PACS2: variants seen among roughly 807,000 people sequenced by gnomAD.
PACS2 encodes PACS1-like protein.
In PACS2, 36 loss-of-function variants were observed where a neutral mutation model predicts 113.0. That is an observed-to-expected ratio of 0.32 (90% confidence interval 0.24 to 0.42). PACS2 has a LOEUF of 0.42. Among genes scored for constraint, PACS2 ranks in the 10% least tolerant of loss-of-function variants. The pLI is 1.00. For missense variants in PACS2, 1,015 were observed against 1,239.5 expected, an observed-to-expected ratio of 0.82 and a Z score of 2.72; for synonymous variants, 589 against 536.1, an observed-to-expected ratio of 1.10 and a Z score of -1.36.
At chr14:105,383,930 A>G in intron 16 of PACS2, 1 of 266,064 alleles carries the variant, frequency 3.8e-6, no homozygotes, top group Non-Finnish European at 7.2e-6. Context: ...GTGTCGTCGA[A>G]CTCCATTACT....
intron 1 of PACS2, among the ~76,000 whole-genome samples, chr14:105,344,108 G>T (rs2059831670): frequency 6.6e-6 from 1 of 151,752 alleles, no homozygotes; most frequent in South Asian, 2.1e-4. Flanking sequence ...TGTAGAGACA[G>T]GGTCTCCCTG....
intron 1 of PACS2, among the ~76,000 whole-genome samples, chr14:105,328,433 T>A (rs1213346730): frequency 1.3e-5 from 2 of 152,178 alleles, no homozygotes; most frequent in Non-Finnish European, 2.9e-5. Flanking sequence ...AGGCTGTGGC[T>A]GCTCTGTGAG....
At chr14:105,391,905 G>A (rs2081371768) in intron 22 of PACS2, 139 bp downstream of exon 22, 2 of 869,924 alleles carry the variant, frequency 2.3e-6, no homozygotes, top group Admixed American at 3.1e-5. Flanking sequence ...GGCTCTGCAG[G>A]ACGGCTGGGT....
chr14:105,387,798 G>T (rs997395859), intron 19 of PACS2, among the ~76,000 whole-genome samples: 13 of 152,248 alleles, frequency 8.5e-5, no homozygotes, highest in Admixed American at 4.6e-4. Context: ...GGGGGGTCTG[G>T]CTCGGCAGAG....
At position 105,387,187 on chromosome 14, in the gene PACS2, G is replaced by A. The variant is rs1278342032; in HGVS notation, c.2033+1470G>A. 8.5e-5 allele frequency among the ~76,000 whole-genome samples: 13 copies of A among 152,326 alleles called. No individual in the cohort carries two copies. In the South Asian group the frequency reaches 1.4e-3, roughly 17 times the overall value. ...CTCTGTACCCAGAGGAGGGTCAGTC[G>A]GGAGGCTGAGAGAGTGCAGGCGGTG... On this transcript the variant is annotated intron_variant, in intron 19 of 24. Transcript: ENST00000447393.
At chr14:105,334,486 A>G (rs896622139) in intron 1 of PACS2, among the ~76,000 whole-genome samples, 9 of 151,596 alleles carry the variant, frequency 5.9e-5, no homozygotes, top group Admixed American at 5.9e-4. Flanking sequence ...CCTGAGGCCC[A>G]GTGTCTACGT....
chr14:105,311,249 C>T (rs983248594), upstream of PACS2, among the ~76,000 whole-genome samples: 8 of 150,726 alleles, frequency 5.3e-5, no homozygotes, highest in Admixed American at 1.3e-4. Context: ...CCACTGTGCC[C>T]GGCCTTTTTA....
intron 1 of PACS2, among the ~76,000 whole-genome samples, chr14:105,306,365 G>A (rs925804166): frequency 5.3e-5 from 8 of 151,540 alleles, no homozygotes; most frequent in East Asian, 1.9e-4. Context: ...GTGCAGCGGC[G>A]CCATCTCGAC....
At chr14:105,393,510 G>T in intron 24 of PACS2, 175 bp downstream of exon 24, 1 of 470,256 alleles carries the variant, frequency 2.1e-6, no homozygotes, top group African/African-American at 2.0e-5. Flanking sequence ...CCTTCCAAAT[G>T]CTGAGAAAGA....
At chr14:105,390,071 C>T (rs1028220075) in intron 20 of PACS2, 68 bp downstream of exon 20, 17 of 1,357,838 alleles carry the variant, frequency 1.3e-5, no homozygotes, top group East Asian at 1.1e-4. Flanking sequence ...ACAGTCAGAA[C>T]GTTTGGGGAT....
upstream of PACS2, chr14:105,314,430 CTCTCCCGGCCCTTGCCCGCG>C (rs2058457835): frequency 2.7e-5 from 4 of 150,012 alleles, no homozygotes; most frequent in South Asian, 6.2e-4. Flanking sequence ...ACCCCCACGA[CTCTCCCGGCCCTTGCCCGCG>C]GCTCCCGGGG....
chr14:105,384,294 TG>T, intron 16 of PACS2, 58 bp from the exon 17 acceptor site: 1 of 1,029,956 alleles, frequency 9.7e-7, no homozygotes, highest in Non-Finnish European at 1.5e-6. Context: ...TGTGCCGCGG[TG>T]GGAGCCTTGC....
intron 1 of PACS2, among the ~76,000 whole-genome samples, chr14:105,308,517 C>G (rs942742196): frequency 7.2e-6 from 1 of 139,794 alleles, no homozygotes; most frequent in African/African-American, 2.8e-5. Flanking sequence ...GAGTCTTGCT[C>G]TGTCGTCCGG....
rs192619496 is a variant in PACS2, at chr14:105,325,765, C to G, written c.119+10728C>G. The stretch of plus-strand genomic sequence containing the variant: ...GAGGCAGACCTGCAGATGCACATCC[C>G]TCTTCTCAAATGCTGTTCTTGTTCT... On this transcript the variant is annotated intron_variant, in intron 1 of 24. Coordinates refer to ENST00000447393, the MANE Select transcript of PACS2 (RefSeq NM_001100913.3). Among the ~76,000 whole-genome samples, 33 of 152,366 alleles carry G rather than the reference C, an allele frequency of 2.2e-4. No homozygotes were observed. The East Asian group carries it at 5.6e-3, about 26-fold the overall frequency.
chr14:105,391,272 C>T, intron 21 of PACS2, 23 bp downstream of exon 21: 2 of 1,592,572 alleles, frequency 1.3e-6, no homozygotes, highest in Non-Finnish European at 1.7e-6. Flanking sequence ...CACCCTGAGG[C>T]CTTGTGAGTG....
At chr14:105,368,574 G>A (rs782235019) in intron 7 of PACS2, 35 bp downstream of exon 7, 19 of 1,550,496 alleles carry the variant, frequency 1.2e-5, no homozygotes, top group Non-Finnish European at 1.7e-5. Context: ...TGCTGGGGAA[G>A]GCGAGGGTCG....
Position 105,355,265 on chromosome 14 carries a change from G to A in PACS2, c.423+88G>A, listed in dbSNP as rs587717046. ...CGTGGGAGATGGAGATGTCTCTCCCGGGTCCAGATGTCCAGGGATCAGGTG... is the reference window on the plus strand; with the variant it reads ...CGTGGGAGATGGAGATGTCTCTCCCAGGTCCAGATGTCCAGGGATCAGGTG... On this transcript the variant is annotated intron_variant, in intron 4 of 24. Coordinates refer to ENST00000447393, the MANE Select transcript of PACS2 (RefSeq NM_001100913.3). This position sits in a 1 kb window ranked among gnomAD's most constrained non-coding sequence, Gnocchi z 4.1. The A allele has an allele frequency of 4.2e-5, 60 of 1,421,034 alleles. No homozygotes were observed. The highest frequency in any genetic ancestry group is 3.5e-4 in the Admixed American group (16 of 46,280). 88.0% of individuals were successfully genotyped at this position (1,421,034 alleles called of 1,614,324 possible). A position where few individuals can be genotyped will look rare whatever the true frequency, so the allele number is the denominator to read the frequency against.
chr14:105,394,863 A>T lies in PACS2; in HGVS notation c.*191A>T. ...CAGGAGCCGAATAACTGCTCTGCTT[A>T]TTAACCCGAACGTTCGGCCCGGGGC... On this transcript the variant is annotated 3_prime_UTR_variant, in exon 25 of 25. Transcript: ENST00000447393. 3.4e-6 allele frequency: 2 copies of T among 581,882 alleles called. No individual in the cohort carries two copies. Among genetic ancestry groups the T allele is most frequent in the Admixed American group, 5.7e-5 (2 of 35,052 alleles). The allele number at this position is 581,882 out of a possible 1,614,324, so 36.0% of individuals were successfully genotyped here.
rs1422337432 is a variant in PACS2, at chr14:105,365,857, C to T, written c.424-1356C>T. 6.6e-6 allele frequency among the ~76,000 whole-genome samples: 1 copy of T among 152,224 alleles called. No homozygotes were observed. The highest frequency in any genetic ancestry group is 1.5e-5 in the Non-Finnish European group (1 of 68,042). Reference sequence around the variant, plus strand: ...CTGGGGGCCTGGACAACAGCAGCCTCCAAGTACGTGAAGCTGCGTGTGCCC... The same window carrying T: ...CTGGGGGCCTGGACAACAGCAGCCTTCAAGTACGTGAAGCTGCGTGTGCCC... On this transcript the variant is annotated intron_variant, in intron 4 of 24. Transcript: ENST00000447393. This position sits in a 1 kb window ranked among gnomAD's most constrained non-coding sequence, Gnocchi z 5.1.
Sources: gnomAD v4.1 joint callset for allele counts (sites outside exome capture counted in the v4.1 genomes callset) on GRCh38, gnomAD v4.1.1 for gene constraint, Gnocchi (gnomAD v3.1) non-coding constraint, MANE v1.5 for transcripts, NCBI Gene and HGNC (gene_info 2026-07-23, HGNC 2026-07-21) for gene names.